The following FHIT variants were observed in gnomAD, a reference collection of about 807,000 sequenced individuals.
FHIT encodes fragile histidine triad diadenosine triphosphatase.
FHIT carries 19 observed loss-of-function variants against 17.9 expected under a neutral mutation model. The observed-to-expected ratio is 1.06, with a 90% CI of 0.74 to 1.56. FHIT has a LOEUF of 1.56. Among genes scored for constraint, FHIT ranks in the 40% most tolerant of loss-of-function variants. The probability of loss-of-function intolerance (pLI) is 0.00; values close to 1 mark genes in which losing one functional copy is unlikely to be tolerated. For missense variants in FHIT, 248 were observed against 189.2 expected (o/e 1.31, Z -1.82); for synonymous variants, 81 against 69.7 (o/e 1.16, Z -0.81).
chr3:61,160,737 A>G (rs779226603), intron 2 of FHIT, among the ~76,000 whole-genome samples: 4 of 152,250 alleles, frequency 2.6e-5, no homozygotes, highest in African/African-American at 4.8e-5. Context: ...ACAAGTGGCT[A>G]TAGAGATGTA....
At chr3:59,853,962 T>C (rs1702046635) in intron 8 of FHIT, among the ~76,000 whole-genome samples, 1 of 151,910 alleles carries the variant, frequency 6.6e-6, no homozygotes, top group African/African-American at 2.4e-5. Flanking sequence ...CACCAATAGA[T>C]AAAGTCATCA....
intron 3 of FHIT, among the ~76,000 whole-genome samples, chr3:60,982,540 T>C (rs1400316788): frequency 6.6e-6 from 1 of 152,236 alleles, no homozygotes; most frequent in African/African-American, 2.4e-5. Flanking sequence ...TCTTTTCCAC[T>C]TCAGGGCCTT....
chr3:60,639,910 G>A (rs2039683257), intron 4 of FHIT, among the ~76,000 whole-genome samples: 1 of 152,078 alleles, frequency 6.6e-6, no homozygotes, highest in Non-Finnish European at 1.5e-5. Flanking sequence ...CCAAGTGAAT[G>A]GATACACAAA....
chr3:61,190,837 C>T (rs1253950722), intron 2 of FHIT, among the ~76,000 whole-genome samples: 3 of 150,232 alleles, frequency 2.0e-5, no homozygotes, highest in Non-Finnish European at 4.4e-5. Context: ...AAGGACAAAA[C>T]ACCAAACACC....
At chr3:59,883,558 C>G (rs969260465) in intron 8 of FHIT, among the ~76,000 whole-genome samples, 1 of 152,188 alleles carries the variant, frequency 6.6e-6, no homozygotes, top group Non-Finnish European at 1.5e-5. Flanking sequence ...TTATCTCTTA[C>G]AGGGTCCGTC....
At chr3:60,554,038 G>A (rs2036658101) in intron 4 of FHIT, among the ~76,000 whole-genome samples, 1 of 152,084 alleles carries the variant, frequency 6.6e-6, no homozygotes, top group South Asian at 2.1e-4. Flanking sequence ...AGTGAGCCAA[G>A]ATTGTGCTGC....
At chr3:60,994,040 A>G (rs2030471617) in intron 3 of FHIT, among the ~76,000 whole-genome samples, 1 of 152,242 alleles carries the variant, frequency 6.6e-6, no homozygotes, top group Non-Finnish European at 1.5e-5. Context: ...ATAAAATATG[A>G]TTCTTTAATA....
chr3:60,954,757 A>G (rs1487350215), intron 3 of FHIT, among the ~76,000 whole-genome samples: 2 of 152,220 alleles, frequency 1.3e-5, no homozygotes, highest in East Asian at 3.9e-4. Context: ...AGATGATCAT[A>G]GAAGGGGAGG....
chr3:60,375,302 C>T (rs940962863), intron 5 of FHIT, among the ~76,000 whole-genome samples: 9 of 151,676 alleles, frequency 5.9e-5, no homozygotes, highest in African/African-American at 1.9e-4. Context: ...GGTGTGGTGG[C>T]TCACACCTGT....
At chr3:60,090,133 G>A (rs941500150) in intron 5 of FHIT, among the ~76,000 whole-genome samples, 3 of 151,834 alleles carry the variant, frequency 2.0e-5, no homozygotes, top group Non-Finnish European at 4.4e-5. Context: ...TCTCCCATCT[G>A]CCCCCCACCC....
intron 1 of FHIT, among the ~76,000 whole-genome samples, chr3:61,201,318 C>T (rs899071859): frequency 2.0e-5 from 3 of 152,212 alleles, no homozygotes; most frequent in African/African-American, 7.2e-5. Context: ...GCACTGACCA[C>T]ACACAAATCA....
chr3:61,207,867 G>T, intron 1 of FHIT, among the ~76,000 whole-genome samples: 1 of 146,134 alleles, frequency 6.8e-6, no homozygotes, highest in East Asian at 2.0e-4. Context: ...CTAGTGTTGA[G>T]TGTTGCTCTT....
In FHIT at chr3:61,146,401, G is replaced by A. The variant is rs116344334; in HGVS notation, c.-164+54216C>T. The stretch of plus-strand genomic sequence containing the variant: ...GGTTTAGTGCACAATATGGTTATTA[G>A]AATATGACCTGACAAAAAGGAAAAG... On this transcript the variant is annotated intron_variant, in intron 2 of 9. Coordinates refer to ENST00000492590, the MANE Select transcript of FHIT (RefSeq NM_002012.4). 2.0e-3 allele frequency among the ~76,000 whole-genome samples: 310 copies of A among 152,116 alleles called. 4 individuals carry two copies. The highest frequency in any genetic ancestry group is 7.3e-3 in the African/African-American group (302 of 41,556).
intron 4 of FHIT, among the ~76,000 whole-genome samples, chr3:60,582,818 T>G (rs1398417164): frequency 6.6e-6 from 1 of 152,084 alleles, no homozygotes; most frequent in African/African-American, 2.4e-5. Flanking sequence ...TCAGATCCTG[T>G]ACTAAGCAAT....
At chr3:60,918,142 C>T (rs148905594) in intron 3 of FHIT, among the ~76,000 whole-genome samples, 30 of 152,332 alleles carry the variant, frequency 2.0e-4, no homozygotes, top group African/African-American at 7.0e-4. Flanking sequence ...CTCTTGCCTG[C>T]AGCCATGTAA....
chr3:59,931,162 T>C (rs1184723199), intron 7 of FHIT, among the ~76,000 whole-genome samples: 2 of 152,218 alleles, frequency 1.3e-5, no homozygotes, highest in Admixed American at 1.3e-4. Context: ...AGTGACTATA[T>C]TACAGGACAT....
intron 5 of FHIT, among the ~76,000 whole-genome samples, chr3:60,227,170 C>CGGTGATTCA (rs1704249717): frequency 6.6e-6 from 1 of 152,098 alleles, no homozygotes; most frequent in Non-Finnish European, 1.5e-5. Context: ...CTGTGACCAC[C>CGGTGATTCA]GGTGATTCAA....
chr3:60,455,658 C>A (rs1364824430), intron 5 of FHIT, among the ~76,000 whole-genome samples: 1 of 152,002 alleles, frequency 6.6e-6, no homozygotes, highest in Non-Finnish European at 1.5e-5. Context: ...ATACTAGATG[C>A]CCTTTCCTCA....
rs551779307 is a variant in FHIT, at chr3:61,125,664, A to G, written c.-164+74953T>C. 2.6e-5 allele frequency among the ~76,000 whole-genome samples: 4 copies of G among 152,304 alleles called. No homozygotes were observed. The South Asian group carries it at 6.2e-4, about 24-fold the overall frequency. On this transcript the variant is annotated intron_variant, in intron 2 of 9. Transcript: ENST00000492590. ...AACAACTGTCTTTTCTTCAAGATGT[A>G]AACAATGAAACAATTAGGTTTAAAC...
Sources: allele counts gnomAD v4.1 joint callset (sites outside exome capture counted in the v4.1 genomes callset), GRCh38; gene constraint gnomAD v4.1.1; transcripts MANE v1.5; gene names NCBI Gene and HGNC (gene_info 2026-07-23, HGNC 2026-07-21).